ROBO2: variants seen among roughly 807,000 people sequenced by gnomAD.
The protein encoded by ROBO2 is roundabout homolog 2.
Under a neutral mutation model 160.8 loss-of-function variants are expected in ROBO2, and 53 were observed. The observed-to-expected ratio is 0.33, with a 90% CI of 0.26 to 0.41. The LOEUF (loss-of-function observed/expected upper bound fraction) is 0.41, where lower values mean the gene tolerates loss of function less well. Among genes scored for constraint, ROBO2 ranks in the 10% least tolerant of loss-of-function variants. The probability of loss-of-function intolerance (pLI) is 1.00; values close to 1 mark genes in which losing one functional copy is unlikely to be tolerated. For synonymous variants in ROBO2, 664 were observed against 611.7 expected (o/e 1.09, Z -1.26); for missense variants, 1,577 against 1,722.4 (o/e 0.92, Z 1.49).
At chr3:77,030,701 A>C (rs2063265733) in intron 2 of ROBO2, among the ~76,000 whole-genome samples, 1 of 152,002 alleles carries the variant, frequency 6.6e-6, no homozygotes, top group African/African-American at 2.4e-5. Flanking sequence ...TATACTGCCA[A>C]CTCTTCCATA....
intron 2 of ROBO2, among the ~76,000 whole-genome samples, chr3:76,384,748 G>C (rs1481092405): frequency 6.6e-6 from 1 of 152,130 alleles, no homozygotes; most frequent in East Asian, 1.9e-4. Flanking sequence ...AAAACCATCA[G>C]ATCTTGTGAG....
intron 2 of ROBO2, among the ~76,000 whole-genome samples, chr3:76,126,987 A>G (rs1485436121): frequency 1.3e-5 from 2 of 152,182 alleles, no homozygotes; most frequent in South Asian, 4.1e-4. Context: ...GTTTACCTCC[A>G]GATAATGCTT....
At chr3:76,985,383 C>A (rs964519477) in intron 2 of ROBO2, among the ~76,000 whole-genome samples, 1 of 151,548 alleles carries the variant, frequency 6.6e-6, no homozygotes, top group East Asian at 2.0e-4. Flanking sequence ...GAGATCGAGA[C>A]CATCCTGGCT....
chr3:76,598,357 A>G (rs2086878868), intron 2 of ROBO2, among the ~76,000 whole-genome samples: 1 of 152,048 alleles, frequency 6.6e-6, no homozygotes, highest in African/African-American at 2.4e-5. Flanking sequence ...AATTCAAGAG[A>G]CTTCTGAGGA....
chr3:75,915,138 A>G (rs1234852322), intron 1 of ROBO2, among the ~76,000 whole-genome samples: 4 of 152,208 alleles, frequency 2.6e-5, no homozygotes, highest in East Asian at 1.9e-4. Flanking sequence ...TGTTGTTACT[A>G]TTTACTGAAT....
At chr3:76,877,857 C>CAG (rs972023333) in intron 2 of ROBO2, among the ~76,000 whole-genome samples, 6 of 151,518 alleles carry the variant, frequency 4.0e-5, no homozygotes, top group Non-Finnish European at 8.8e-5. Flanking sequence ...TTCCTAAGTG[C>CAG]AGAGAGAGAG....
chr3:76,555,374 A>AGAAGAAGAAGAAGAAGAAGAAGAC (rs1367371711), intron 2 of ROBO2, among the ~76,000 whole-genome samples: 3 of 52,222 alleles, frequency 5.7e-5, no homozygotes, highest in Non-Finnish European at 1.7e-4. Context: ...AAGAAGAAGA[A>AGAAGAAGAAGAAGAAGAAGAAGAC]GAAGAAGAAG....
At chr3:76,655,013 C>T (rs1243902775) in intron 2 of ROBO2, among the ~76,000 whole-genome samples, 1 of 149,222 alleles carries the variant, frequency 6.7e-6, no homozygotes, top group Non-Finnish European at 1.5e-5. Flanking sequence ...CACAACAGGC[C>T]CATGCATGAG....
At chr3:77,561,231 T>C (rs1174962387) in intron 9 of ROBO2, among the ~76,000 whole-genome samples, 3 of 152,176 alleles carry the variant, frequency 2.0e-5, no homozygotes, top group African/African-American at 4.8e-5. Context: ...AACACACTTA[T>C]AGTTTGAACC....
intron 2 of ROBO2, among the ~76,000 whole-genome samples, chr3:76,390,960 C>A (rs890324253): frequency 6.6e-6 from 1 of 152,008 alleles, no homozygotes; most frequent in East Asian, 1.9e-4. Context: ...TTGTTGTTAT[C>A]TTGGTAATGT....
intron 2 of ROBO2, among the ~76,000 whole-genome samples, chr3:76,870,542 A>C (rs1292528980): frequency 2.6e-5 from 4 of 152,230 alleles, no homozygotes; most frequent in Non-Finnish European, 5.9e-5. Context: ...GATCCAGAGG[A>C]TCTCTCTGCT....
At chr3:76,447,337 A>G (rs1441676860) in intron 2 of ROBO2, among the ~76,000 whole-genome samples, 1 of 152,018 alleles carries the variant, frequency 6.6e-6, no homozygotes, top group African/African-American at 2.4e-5. Context: ...CAAAACCACA[A>G]TGAGATACCA....
intron 2 of ROBO2, among the ~76,000 whole-genome samples, chr3:76,424,326 A>C (rs1051386618): frequency 1.3e-5 from 2 of 152,212 alleles, no homozygotes; most frequent in African/African-American, 4.8e-5. Flanking sequence ...AACAATGTTT[A>C]TACATCATTT....
intron 2 of ROBO2, among the ~76,000 whole-genome samples, chr3:77,465,889 A>G (rs1292446783): frequency 6.6e-6 from 1 of 152,158 alleles, no homozygotes; most frequent in Non-Finnish European, 1.5e-5. Context: ...GAGTTTTCTG[A>G]GATAATTTAA....
chr3:77,484,636 A>T (rs888263480), intron 4 of ROBO2, among the ~76,000 whole-genome samples: 1 of 151,720 alleles, frequency 6.6e-6, no homozygotes, highest in African/African-American at 2.4e-5. Context: ...CTATTTATTG[A>T]TGTATCAATT....
intron 2 of ROBO2, among the ~76,000 whole-genome samples, chr3:76,994,882 T>G (rs2060899286): frequency 6.6e-6 from 1 of 152,168 alleles, no homozygotes; most frequent in African/African-American, 2.4e-5. Context: ...TGGAAAAACC[T>G]TATGTTAATA....
At chr3:76,674,232 T>C (rs1249725061) in intron 2 of ROBO2, among the ~76,000 whole-genome samples, 1 of 151,996 alleles carries the variant, frequency 6.6e-6, no homozygotes. Flanking sequence ...CTTTCAAAAA[T>C]CAAAATGGAA....
chr3:76,384,915 C>T (rs570854395), intron 2 of ROBO2, among the ~76,000 whole-genome samples: 1 of 152,300 alleles, frequency 6.6e-6, no homozygotes, highest in African/African-American at 2.4e-5. Context: ...AGTGCATGAA[C>T]ATCCAATCTC....
chr3:76,783,357 G>A (rs780884486), intron 2 of ROBO2, among the ~76,000 whole-genome samples: 25 of 150,604 alleles, frequency 1.7e-4, no homozygotes, highest in Admixed American at 1.3e-3. Flanking sequence ...TCCCTTAACC[G>A]TTGCATGTTT....
Sources: gnomAD v4.1 joint callset for allele counts (sites outside exome capture counted in the v4.1 genomes callset) on GRCh38, gnomAD v4.1.1 for gene constraint, MANE v1.5 for transcripts, NCBI Gene and HGNC (gene_info 2026-07-23, HGNC 2026-07-21) for gene names.